LHFPL3: variants seen among roughly 807,000 people sequenced by gnomAD.
LHFPL3 encodes LHFPL tetraspan subfamily member 3.
In LHFPL3, 5 loss-of-function variants were observed where a neutral mutation model predicts 19.3. The observed-to-expected ratio is 0.26, with a 90% CI of 0.14 to 0.54. LHFPL3 has a LOEUF of 0.54. Among genes scored for constraint, LHFPL3 ranks in the 20% least tolerant of loss-of-function variants. The pLI is 0.94. For synonymous variants in LHFPL3, 133 were observed against 126.2 expected (o/e 1.05, Z -0.36); for missense variants, 249 against 307.4 (o/e 0.81, Z 1.42).
At chr7:104,824,804 A>G (rs2116539038) in intron 2 of LHFPL3, among the ~76,000 whole-genome samples, 1 of 123,632 alleles carries the variant, frequency 8.1e-6, no homozygotes. Context: ...CTGTTTCAAA[A>G]AATATATATA....
chr7:104,332,135 A>G (rs942823527), intron 1 of LHFPL3, among the ~76,000 whole-genome samples: 1 of 151,062 alleles, frequency 6.6e-6, no homozygotes, highest in Non-Finnish European at 1.5e-5. Context: ...AAATCAAACT[A>G]TTCGCTTGTG....
At chr7:104,587,060 C>T (rs549619903) in intron 1 of LHFPL3, among the ~76,000 whole-genome samples, 20 of 152,086 alleles carry the variant, frequency 1.3e-4, no homozygotes, top group South Asian at 6.2e-4. Flanking sequence ...AAGAGAAAAA[C>T]GCTCATTGAG....
intron 1 of LHFPL3, among the ~76,000 whole-genome samples, chr7:104,729,365 G>C (rs1474771587): frequency 6.6e-6 from 1 of 152,096 alleles, no homozygotes; most frequent in Non-Finnish European, 1.5e-5. Context: ...TTTGTGGCAA[G>C]AACATTCAAA....
chr7:104,450,298 G>T lies in LHFPL3; in HGVS notation c.445+121074G>T, dbSNP rs76575684. On this transcript the variant is annotated intron_variant, in intron 1 of 2. Coordinates refer to ENST00000424859, the MANE Select transcript of LHFPL3 (RefSeq NM_199000.3). Reference sequence around the variant, plus strand: ...CTTCTTACCTTCAGAATTGTAAATCGTGCCCTTTAAGAAATGAGGTTATCC... The same window carrying T: ...CTTCTTACCTTCAGAATTGTAAATCTTGCCCTTTAAGAAATGAGGTTATCC... Among the ~76,000 whole-genome samples, 480 of 152,224 alleles carry T rather than the reference G, an allele frequency of 3.2e-3. 3 individuals are homozygous for T. The highest frequency in any genetic ancestry group is 0.011 in the African/African-American group (459 of 41,532).
intron 2 of LHFPL3, among the ~76,000 whole-genome samples, chr7:104,835,443 A>G (rs140845128): frequency 6.8e-6 from 1 of 146,334 alleles, no homozygotes; most frequent in East Asian, 1.9e-4. Context: ...TAGATGAGCT[A>G]TGATCCTGGA....
chr7:104,738,712 G>A (rs570789727), intron 2 of LHFPL3: 1 of 152,290 alleles, frequency 6.6e-6, no homozygotes, highest in East Asian at 1.9e-4. Flanking sequence ...TAGAGGTATA[G>A]AATAATGCTC....
At chr7:104,535,599 T>C (rs1181695253) in intron 1 of LHFPL3, among the ~76,000 whole-genome samples, 1 of 152,188 alleles carries the variant, frequency 6.6e-6, no homozygotes, top group Non-Finnish European at 1.5e-5. Context: ...CCCAGCAATA[T>C]TGAAAGGCAC....
At chr7:104,849,490 T>G (rs1791375262) in intron 2 of LHFPL3, among the ~76,000 whole-genome samples, 1 of 152,222 alleles carries the variant, frequency 6.6e-6, no homozygotes, top group Non-Finnish European at 1.5e-5. Context: ...GCCAAGGCCC[T>G]TGGCCCACTT....
At chr7:104,464,966 C>CT (rs1584338296) in intron 1 of LHFPL3, among the ~76,000 whole-genome samples, 2 of 152,188 alleles carry the variant, frequency 1.3e-5, no homozygotes, top group East Asian at 3.8e-4. Flanking sequence ...TGCAAATTCT[C>CT]TAAATTTTTA....
In LHFPL3 at chr7:104,906,967, C is replaced by A. The variant is rs1015700127; in HGVS notation, c.*752C>A. The A allele has an allele frequency of 2.0e-5, 3 of 152,578 alleles. No individual in the cohort carries two copies. The highest frequency in any genetic ancestry group is 7.2e-5 in the African/African-American group (3 of 41,440). 9.5% of individuals were successfully genotyped at this position (152,578 alleles called of 1,614,324 possible). Reference sequence around the variant, plus strand: ...CTTTACATCATAGGTTCCCAAGCAACATAGATTTCCCTATCTTTCAGGAAA... The same window carrying A: ...CTTTACATCATAGGTTCCCAAGCAAAATAGATTTCCCTATCTTTCAGGAAA... On this transcript the variant is annotated 3_prime_UTR_variant, in exon 3 of 3. Transcript: ENST00000424859.
intron 1 of LHFPL3, among the ~76,000 whole-genome samples, chr7:104,446,465 G>A (rs1792331777): frequency 6.6e-6 from 1 of 152,100 alleles, no homozygotes; most frequent in Non-Finnish European, 1.5e-5. Context: ...AGACACCAGT[G>A]TATATGTTTT....
At chr7:104,618,747 C>T (rs1478437865) in intron 1 of LHFPL3, among the ~76,000 whole-genome samples, 2 of 151,936 alleles carry the variant, frequency 1.3e-5, no homozygotes, top group African/African-American at 4.8e-5. Flanking sequence ...GTGAAACTTA[C>T]AAGATTCAGA....
Position 104,477,753 on chromosome 7 carries a change from TTA to T in LHFPL3, c.445+148530_445+148531del, listed in dbSNP as rs1008056474. On this transcript the variant is annotated intron_variant, in intron 1 of 2. Transcript: ENST00000424859. ...ATTTGTACTCTGAACTTAAAATAAG[TTA>T]AAAAAAAAAAGAGAAAGGAATGCAT... Among the ~76,000 whole-genome samples the T allele has an allele frequency of 9.6e-3, 81 of 8,474 alleles. 2 individuals carry two copies. The South Asian group carries it at 0.35, about 36-fold the overall frequency. 5.6% of individuals were successfully genotyped at this position (8,474 alleles called of 152,430 possible).
intron 1 of LHFPL3, among the ~76,000 whole-genome samples, chr7:104,541,336 G>C (rs1482828566): frequency 6.6e-6 from 1 of 152,114 alleles, no homozygotes; most frequent in Non-Finnish European, 1.5e-5. Context: ...TGGGGTCAAG[G>C]ACAGTGTGAT....
intron 1 of LHFPL3, among the ~76,000 whole-genome samples, chr7:104,542,717 T>A (rs1794510886): frequency 6.6e-6 from 1 of 152,176 alleles, no homozygotes; most frequent in South Asian, 2.1e-4. Context: ...CAATTGATGT[T>A]GCTTCCTTTT....
chr7:104,358,597 G>T (rs924052720), intron 1 of LHFPL3, among the ~76,000 whole-genome samples: 22 of 152,184 alleles, frequency 1.4e-4, no homozygotes, highest in Admixed American at 1.4e-3. Flanking sequence ...CAACTTGAAA[G>T]TGTATTGAGC....
At chr7:104,615,897 A>G (rs1352282082) in intron 1 of LHFPL3, among the ~76,000 whole-genome samples, 1 of 152,192 alleles carries the variant, frequency 6.6e-6, no homozygotes, top group Non-Finnish European at 1.5e-5. Flanking sequence ...ATTGCTACAA[A>G]GAGAATAAAA....
At chr7:104,829,517 T>C (rs190588679) in intron 2 of LHFPL3, among the ~76,000 whole-genome samples, 3 of 151,828 alleles carry the variant, frequency 2.0e-5, no homozygotes, top group African/African-American at 7.3e-5. Context: ...AGTGTGATGT[T>C]CCCCTTCCTG....
Position 104,838,862 on chromosome 7 carries a change from C to T in LHFPL3, c.683-67325C>T, listed in dbSNP as rs1001706258. On this transcript the variant is annotated intron_variant, in intron 2 of 2. Coordinates refer to ENST00000424859, the MANE Select transcript of LHFPL3 (RefSeq NM_199000.3). The stretch of plus-strand genomic sequence containing the variant: ...AGAAACATTGCTTCATCTTTTTAAC[C>T]AAAATAATGTAGTTAATACCAGAAC... Among the ~76,000 whole-genome samples, 16 of 152,206 alleles carry T rather than the reference C, an allele frequency of 1.1e-4. 1 individual carries two copies. The highest frequency in any genetic ancestry group is 3.9e-4 in the African/African-American group (16 of 41,530).
Sources: gnomAD v4.1 joint callset for allele counts (sites outside exome capture counted in the v4.1 genomes callset) on GRCh38, gnomAD v4.1.1 for gene constraint, MANE v1.5 for transcripts, NCBI Gene and HGNC (gene_info 2026-07-23, HGNC 2026-07-21) for gene names.